HPSE2: variants seen among roughly 807,000 people sequenced by gnomAD.
HPSE2 encodes heparanase 2 (inactive).
Under a neutral mutation model 60.5 loss-of-function variants are expected in HPSE2, and 38 were observed. The ratio of observed to expected loss-of-function variants is 0.63; its 90% CI spans 0.48 to 0.82. HPSE2 has a LOEUF of 0.82. HPSE2 is among the 40% of genes least tolerant of loss of function. The pLI is 0.00. For missense variants in HPSE2, 713 were observed against 740.4 expected, an observed-to-expected ratio of 0.96 and a Z score of 0.43; for synonymous variants, 295 against 293.2, an observed-to-expected ratio of 1.01 and a Z score of -0.06.
chr10:99,315,445 G>T, the HPSE2 span, among the ~76,000 whole-genome samples: 2 of 151,988 alleles, frequency 1.3e-5, no homozygotes, highest in African/African-American at 4.8e-5. Flanking sequence ...CAGAATTCTA[G>T]GGTTAAGAAC....
chr10:99,268,953 C>T, the HPSE2 span, among the ~76,000 whole-genome samples: 2 of 151,822 alleles, frequency 1.3e-5, no homozygotes, highest in South Asian at 2.1e-4. Context: ...GTCAGGAGTT[C>T]GAGACCAGCC....
intron 3 of HPSE2, among the ~76,000 whole-genome samples, chr10:98,971,427 A>G (rs897643474): frequency 5.3e-5 from 8 of 152,304 alleles, no homozygotes; most frequent in African/African-American, 1.9e-4. Context: ...CTTTGTACCC[A>G]TAACACATTC....
the HPSE2 span, among the ~76,000 whole-genome samples, chr10:99,310,082 A>G: frequency 6.6e-6 from 1 of 152,172 alleles, no homozygotes; most frequent in Non-Finnish European, 1.5e-5. Flanking sequence ...ATATCACTCC[A>G]TCTTCACATT....
chr10:98,610,123 G>T (rs1241822352), intron 9 of HPSE2, among the ~76,000 whole-genome samples: 1 of 152,136 alleles, frequency 6.6e-6, no homozygotes, highest in African/African-American at 2.4e-5. Flanking sequence ...TTACAGGCGT[G>T]AGCCATTGTG....
intron 3 of HPSE2, among the ~76,000 whole-genome samples, chr10:98,825,894 G>C (rs1010782407): frequency 6.6e-6 from 1 of 152,180 alleles, no homozygotes; most frequent in Non-Finnish European, 1.5e-5. Context: ...TTATGACTAT[G>C]AGAGGAGAAA....
chr10:99,065,986 T>TAAGTACAAGGCAGAAAGTGAAA (rs1440205982), intron 3 of HPSE2, among the ~76,000 whole-genome samples: 3 of 152,148 alleles, frequency 2.0e-5, no homozygotes, highest in Non-Finnish European at 4.4e-5. Context: ...CAGAAATCCA[T>TAAGTACAAGGCAGAAAGTGAAA]AAGTACAAGG....
At chr10:98,581,618 C>T (rs1944800378) in intron 9 of HPSE2, among the ~76,000 whole-genome samples, 2 of 152,208 alleles carry the variant, frequency 1.3e-5, no homozygotes, top group Middle Eastern at 6.8e-3. Flanking sequence ...CTGTGGCATC[C>T]CACGTGTAGG....
chr10:99,009,763 AG>A, intron 3 of HPSE2, among the ~76,000 whole-genome samples: 1 of 152,220 alleles, frequency 6.6e-6, no homozygotes, highest in Non-Finnish European at 1.5e-5. Context: ...GAAAAATATC[AG>A]GGCACCAAAA....
chr10:98,772,701 A>C (rs540334851), intron 3 of HPSE2, among the ~76,000 whole-genome samples: 1 of 152,226 alleles, frequency 6.6e-6, no homozygotes, highest in Non-Finnish European at 1.5e-5. Flanking sequence ...TTAGATGCCT[A>C]TTACTTATTG....
intron 3 of HPSE2, among the ~76,000 whole-genome samples, chr10:98,912,693 T>TC (rs1954012608): frequency 6.6e-6 from 1 of 152,038 alleles, no homozygotes; most frequent in African/African-American, 2.4e-5. Flanking sequence ...AAGACAAACA[T>TC]CACATGTCCT....
intron 3 of HPSE2, among the ~76,000 whole-genome samples, chr10:99,086,641 C>T (rs1047048850): frequency 1.3e-5 from 2 of 151,894 alleles, no homozygotes; most frequent in African/African-American, 4.8e-5. Context: ...CGTGAGCCAC[C>T]GCGCCCGGCC....
chr10:98,525,653 G>A (rs1942943855), intron 9 of HPSE2, among the ~76,000 whole-genome samples: 1 of 152,146 alleles, frequency 6.6e-6, no homozygotes, highest in East Asian at 1.9e-4. Context: ...AGCAAAGCAG[G>A]CCTCTGGGCT....
At chr10:99,226,182 C>T (rs986365184) in intron 2 of HPSE2, among the ~76,000 whole-genome samples, 1 of 151,918 alleles carries the variant, frequency 6.6e-6, no homozygotes, top group Non-Finnish European at 1.5e-5. Flanking sequence ...TCTTGAGTTG[C>T]ATATCCTCTC....
At chr10:99,295,497 T>C in the HPSE2 span, among the ~76,000 whole-genome samples, 1 of 152,220 alleles carries the variant, frequency 6.6e-6, no homozygotes, top group South Asian at 2.1e-4. Flanking sequence ...ACACTCACAG[T>C]TATTATTCCA....
intron 3 of HPSE2, among the ~76,000 whole-genome samples, chr10:98,846,926 C>T (rs1441804123): frequency 1.3e-5 from 2 of 152,056 alleles, no homozygotes; most frequent in Non-Finnish European, 2.9e-5. Context: ...GAGACAAATT[C>T]CACAAAATTA....
At chr10:98,939,508 G>A (rs1363142015) in intron 3 of HPSE2, among the ~76,000 whole-genome samples, 2 of 143,548 alleles carry the variant, frequency 1.4e-5, no homozygotes. Context: ...ATGGTAAAGG[G>A]ATCAATTCAA....
Position 98,831,332 on chromosome 10 carries a change from T to C in HPSE2, c.611-87276A>G, listed in dbSNP as rs111617314. On this transcript the variant is annotated intron_variant, in intron 3 of 11. Coordinates refer to ENST00000370552, the MANE Select transcript of HPSE2 (RefSeq NM_021828.5). ...GTGCTTCCTCCAAGGCAAGGTACTA[T>C]GTTGGTGGCCCTCTTTAAGTGGGAA... Among the ~76,000 whole-genome samples, 229 of 152,244 alleles carry C rather than the reference T, an allele frequency of 1.5e-3. 2 individuals are homozygous for C. Among genetic ancestry groups the C allele is most frequent in the African/African-American group, 5.2e-3 (217 of 41,554 alleles).
intron 4 of HPSE2, among the ~76,000 whole-genome samples, chr10:98,730,812 A>T (rs1949208846): frequency 6.6e-6 from 1 of 152,260 alleles, no homozygotes; most frequent in South Asian, 2.1e-4. Context: ...CCATTGAGGT[A>T]GTAATTAAAA....
At chr10:98,623,560 A>G (rs1946127947) in intron 7 of HPSE2, among the ~76,000 whole-genome samples, 1 of 152,202 alleles carries the variant, frequency 6.6e-6, no homozygotes, top group Non-Finnish European at 1.5e-5. Flanking sequence ...GGTATAGTCT[A>G]AGTAGGCAAA....
Sources: gnomAD v4.1 joint callset for allele counts (sites outside exome capture counted in the v4.1 genomes callset) on GRCh38, gnomAD v4.1.1 for gene constraint, MANE v1.5 for transcripts, NCBI Gene and HGNC (gene_info 2026-07-23, HGNC 2026-07-21) for gene names.